The following THAP4 variants were observed in gnomAD, a reference collection of about 807,000 sequenced individuals.
THAP4 encodes THAP domain containing 4.
THAP4 carries 18 observed loss-of-function variants against 48.1 expected under a neutral mutation model. That is an observed-to-expected ratio of 0.37 (90% CI 0.26 to 0.56). The LOEUF (loss-of-function observed/expected upper bound fraction) is 0.56. Ranked by LOEUF, THAP4 falls within the 20% of genes least tolerant of loss-of-function variation. THAP4 has a pLI of 0.78. For missense variants in THAP4, 656 were observed against 774.9 expected (o/e 0.85, Z 1.82); for synonymous variants, 345 against 324.9 (o/e 1.06, Z -0.66).
intron 4 of THAP4, 154 bp from the exon 5 acceptor site, chr2:241,602,153 G>GTA: frequency 1.4e-6 from 1 of 704,480 alleles, no homozygotes; most frequent in Non-Finnish European, 2.3e-6. Context: ...ACTTCACCCT[G>GTA]TGGATACGGA....
intron 2 of THAP4, among the ~76,000 whole-genome samples, chr2:241,629,445 T>C (rs1036639556): frequency 8.7e-5 from 13 of 149,934 alleles, no homozygotes; most frequent in East Asian, 2.0e-4. Flanking sequence ...CACTCCAGCC[T>C]GGGTGACAGA....
Position 241,614,889 on chromosome 2 carries a change from CAAAACA to C in THAP4, c.1241-8422_1241-8417del, listed in dbSNP as rs201967097. On this transcript the variant is annotated intron_variant, in intron 2 of 5. Transcript: ENST00000407315. Reference sequence around the variant, plus strand: ...GGGTGACAAGAGCGAAACTCCATCTCAAAACAAAAACAAAAACAAAAACAAAAACAA... The same window carrying C: ...GGGTGACAAGAGCGAAACTCCATCTCAAAACAAAAACAAAAACAAAAACAA... 6.4e-3 allele frequency among the ~76,000 whole-genome samples: 967 copies of C among 151,588 alleles called. 11 individuals carry two copies. The highest frequency in any genetic ancestry group is 0.022 in the African/African-American group (896 of 41,286).
At chr2:241,630,869 T>C (rs1335188334) in intron 2 of THAP4, among the ~76,000 whole-genome samples, 1 of 150,670 alleles carries the variant, frequency 6.6e-6, no homozygotes, top group African/African-American at 2.4e-5. Flanking sequence ...GTACTAAAAA[T>C]ATAAGAATTA....
chr2:241,602,382 T>G (rs1188906405), intron 4 of THAP4, among the ~76,000 whole-genome samples: 1 of 151,656 alleles, frequency 6.6e-6, no homozygotes, highest in Non-Finnish European at 1.5e-5. Flanking sequence ...CTTTTTTTTT[T>G]GAGACAGAAT....
rs1341739548 is a variant in THAP4 at position 241,616,768 on chromosome 2, C to A, written c.1241-10295G>T. ...ACGCGGCTAAGCAACTAGATGGAGG[C>A]TTACGGCTGTGAGCAACTAATGGCT... On this transcript the variant is annotated intron_variant, in intron 2 of 5. Coordinates refer to ENST00000407315, the MANE Select transcript of THAP4 (RefSeq NM_015963.6). The surrounding 1 kb of genome is among the most constrained non-coding windows in gnomAD (Gnocchi z 4.6). 6.6e-6 allele frequency among the ~76,000 whole-genome samples: 1 copy of A among 152,182 alleles called. No individual in the cohort carries two copies. Among genetic ancestry groups the A allele is most frequent in the African/African-American group, 2.4e-5 (1 of 41,448 alleles).
At position 241,637,058 on chromosome 2, in the gene THAP4, A is replaced by C. The variant is rs762256702; in HGVS notation, c.-41T>G. The C allele has an allele frequency of 3.6e-4, 411 of 1,135,782 alleles. No homozygotes were observed. Among genetic ancestry groups the C allele is most frequent in the Non-Finnish European group, 4.4e-4 (402 of 917,052 alleles). 70.4% of individuals were successfully genotyped at this position (1,135,782 alleles called of 1,614,324 possible). A position where few individuals can be genotyped will look rare whatever the true frequency, so the allele number is the denominator to read the frequency against. ...AGCCGCGCAGCCAGGCCCCGGCCCT[A>C]GCCGCCCGCCCGCCCGCGGACCGCC... On this transcript the variant is annotated 5_prime_UTR_variant, in exon 1 of 6. Transcript: ENST00000407315.
At chr2:241,585,913 AAAAAAAAAAAAAAAAAG>A (rs1214595551) in intron 5 of THAP4, among the ~76,000 whole-genome samples, 3 of 123,056 alleles carry the variant, frequency 2.4e-5, no homozygotes, top group African/African-American at 1.1e-4. Context: ...ACTCCTTCTC[AAAAAAAAAAAAAAAAAG>A]AAAAAAAAAA....
At position 241,597,353 on chromosome 2, in the gene THAP4, C is replaced by T. The variant is rs866939269; in HGVS notation, c.1614+4543G>A. Among the ~76,000 whole-genome samples the T allele has an allele frequency of 2.6e-5, 4 of 152,104 alleles. No individual in the cohort carries two copies. In the South Asian group the frequency reaches 8.3e-4, roughly 32 times the overall value. On this transcript the variant is annotated intron_variant, in intron 5 of 5. Transcript: ENST00000407315. The stretch of plus-strand genomic sequence containing the variant: ...TTCACCATGTTGGCCAGACTGATCT[C>T]GAACTCCTGACCTCAGGTAATCCAC...
chr2:241,637,416 G>T, upstream of THAP4: 1 of 1,456,782 alleles, frequency 6.9e-7, no homozygotes, highest in South Asian at 1.3e-5. Flanking sequence ...CTCGACAACT[G>T]CTCCTGGGTC....
intron 5 of THAP4, among the ~76,000 whole-genome samples, chr2:241,595,333 G>A (rs62193001): frequency 0.36 from 54,273 of 152,008 alleles, 10,256 homozygotes; most frequent in East Asian, 0.6. Context: ...TATCTTTAAA[G>A]AGCTGTTAAA....
At chr2:241,636,365 G>C (rs1490842210) in intron 1 of THAP4, among the ~76,000 whole-genome samples, 3 of 152,248 alleles carry the variant, frequency 2.0e-5, no homozygotes, top group Non-Finnish European at 4.4e-5. Flanking sequence ...AGGCCTTAGA[G>C]GGGTTTGGGC....
At chr2:241,615,483 G>A (rs1176725235) in intron 2 of THAP4, among the ~76,000 whole-genome samples, 1 of 152,234 alleles carries the variant, frequency 6.6e-6, no homozygotes, top group African/African-American at 2.4e-5. Flanking sequence ...AGGGGATGTG[G>A]TGGGGAGTGA....
rs747336504 is a variant in THAP4 at position 241,634,117 on chromosome 2, A to G, written c.78-38T>C. 12 of 1,439,290 alleles carry G rather than the reference A, an allele frequency of 8.3e-6. 1 individual carries two copies. The South Asian group carries it at 1.4e-4, about 17-fold the overall frequency. 89.2% of individuals were successfully genotyped at this position (1,439,290 alleles called of 1,614,324 possible). On this transcript the variant is annotated intron_variant, in intron 1 of 5. Transcript: ENST00000407315. The stretch of plus-strand genomic sequence containing the variant: ...TGACAAAAAGTAATTAGAAATAATT[A>G]AATGTCTCCCCTTAAAATAATCAAC...
At chr2:241,609,465 C>T (rs1345964796) in intron 2 of THAP4, among the ~76,000 whole-genome samples, 2 of 152,214 alleles carry the variant, frequency 1.3e-5, no homozygotes, top group African/African-American at 4.8e-5. Context: ...GTTTGGTAGA[C>T]TTTATCCAGC....
upstream of THAP4, chr2:241,637,261 G>GC (rs1270088994): frequency 9.3e-7 from 1 of 1,075,090 alleles, no homozygotes; most frequent in African/African-American, 1.7e-5. Context: ...GGCGCCGCAG[G>GC]CCCCTCGCAG....
At chr2:241,588,121 G>A (rs1297344687) in intron 5 of THAP4, among the ~76,000 whole-genome samples, 1 of 151,898 alleles carries the variant, frequency 6.6e-6, no homozygotes, top group East Asian at 1.9e-4. Flanking sequence ...CACATGATAC[G>A]AGATCAATAT....
At chr2:241,592,005 G>A (rs2066986415) in intron 5 of THAP4, 1 of 152,222 alleles carries the variant, frequency 6.6e-6, no homozygotes, top group Non-Finnish European at 1.5e-5. Context: ...AAAGAACTCT[G>A]ACATGTCAGC....
chr2:241,630,585 C>T (rs1466523869), intron 2 of THAP4, among the ~76,000 whole-genome samples: 1 of 152,096 alleles, frequency 6.6e-6, no homozygotes, highest in Non-Finnish European at 1.5e-5. Flanking sequence ...TCGAGACCAG[C>T]CTGACCAACA....
At position 241,616,179 on chromosome 2, in the gene THAP4, T is replaced by C. The variant is rs1217230244; in HGVS notation, c.1241-9706A>G. On this transcript the variant is annotated intron_variant, in intron 2 of 5. Coordinates refer to ENST00000407315, the MANE Select transcript of THAP4 (RefSeq NM_015963.6). This position sits in a 1 kb window ranked among gnomAD's most constrained non-coding sequence, Gnocchi z 4.6. ...GTGGGCCTGGATGGGCCAGAACCTT[T>C]TACGTAGGAGGGACGTGGCCCGGGC... Among the ~76,000 whole-genome samples, 3 of 152,180 alleles carry C rather than the reference T, an allele frequency of 2.0e-5. No homozygotes were observed. The highest frequency in any genetic ancestry group is 2.9e-5 in the Non-Finnish European group (2 of 68,024).
Sources: gnomAD v4.1 joint callset for allele counts (sites outside exome capture counted in the v4.1 genomes callset) on GRCh38, gnomAD v4.1.1 for gene constraint, Gnocchi (gnomAD v3.1) non-coding constraint, MANE v1.5 for transcripts, NCBI Gene and HGNC (gene_info 2026-07-23, HGNC 2026-07-21) for gene names.